The following STPG2 variants were observed in gnomAD, a reference collection of about 807,000 sequenced individuals.
The protein encoded by STPG2 is sperm tail PG-rich repeat containing 2.
A neutral mutation model predicts 54.2 loss-of-function variants in STPG2; 56 were observed. That is an observed-to-expected ratio of 1.03 (90% CI 0.83 to 1.29). The LOEUF is 1.29. Among genes scored for constraint, STPG2 ranks in the 50% most tolerant of loss-of-function variants. The probability of loss-of-function intolerance (pLI) is 0.00; values close to 1 mark genes in which losing one functional copy is unlikely to be tolerated. For synonymous variants in STPG2, 200 were observed against 181.8 expected, an observed-to-expected ratio of 1.10 and a Z score of -0.81; for missense variants, 596 against 544.9, an observed-to-expected ratio of 1.09 and a Z score of -0.93.
At chr4:98,031,832 A>C (rs1736609794) in intron 5 of STPG2, among the ~76,000 whole-genome samples, 1 of 152,230 alleles carries the variant, frequency 6.6e-6, no homozygotes, top group South Asian at 2.1e-4. Context: ...CAGAGGACTA[A>C]TATGCAGAAT....
intron 5 of STPG2, among the ~76,000 whole-genome samples, chr4:98,024,151 T>C (rs1364035557): frequency 1.3e-5 from 2 of 152,216 alleles, no homozygotes; most frequent in African/African-American, 4.8e-5. Context: ...AGACCGGAGC[T>C]GTTCCTATTC....
intron 9 of STPG2, among the ~76,000 whole-genome samples, chr4:97,787,090 T>C (rs1463079630): frequency 6.6e-6 from 1 of 152,106 alleles, no homozygotes; most frequent in African/African-American, 2.4e-5. Context: ...TGGAATTTAC[T>C]AATTAGTTCT....
Position 97,991,430 on chromosome 4 carries a change from A to AGTGTGTGT in STPG2, c.613-10120_613-10113dup, listed in dbSNP as rs150498433. On this transcript the variant is annotated intron_variant, in intron 5 of 10. Transcript: ENST00000295268. ...ATATATACACCATGGAATACTACTCAGTGTGTGTGTGTGTGTGTGTGTGTG... is the reference window on the plus strand; with the variant it reads ...ATATATACACCATGGAATACTACTCAGTGTGTGTGTGTGTGTGTGTGTGTGTGTGTGTG... Among the ~76,000 whole-genome samples the AGTGTGTGT allele has an allele frequency of 9.3e-4, 132 of 141,476 alleles. No homozygotes were observed. In the Middle Eastern group the frequency reaches 0.011, roughly 12 times the overall value. The allele number at this position is 141,476 out of a possible 152,430, so 92.8% of individuals were successfully genotyped here. A position where few individuals can be genotyped will look rare whatever the true frequency, so the allele number is the denominator to read the frequency against.
chr4:97,579,498 C>A (rs1050623014), intron 10 of STPG2, among the ~76,000 whole-genome samples: 1 of 151,982 alleles, frequency 6.6e-6, no homozygotes, highest in African/African-American at 2.4e-5. Context: ...CTTAATTTTA[C>A]AAGGTCCATT....
At chr4:97,928,910 G>A (rs972451914) in intron 8 of STPG2, among the ~76,000 whole-genome samples, 5 of 151,538 alleles carry the variant, frequency 3.3e-5, no homozygotes, top group Non-Finnish European at 5.9e-5. Context: ...AGGTTTGGGG[G>A]TCCATGTGAA....
intron 9 of STPG2, among the ~76,000 whole-genome samples, chr4:97,787,857 A>G (rs1311231316): frequency 1.3e-5 from 2 of 151,666 alleles, no homozygotes; most frequent in Non-Finnish European, 2.9e-5. Context: ...TATTTTATAT[A>G]AGCTGTCAAA....
intron 9 of STPG2, among the ~76,000 whole-genome samples, chr4:97,794,119 A>G (rs1727093693): frequency 6.6e-6 from 1 of 152,106 alleles, no homozygotes; most frequent in Non-Finnish European, 1.5e-5. Context: ...ATATAAAATA[A>G]CATTCCCCAA....
chr4:97,981,362 A>G (rs370857788), intron 5 of STPG2, 44 bp from the exon 6 acceptor site: 1 of 1,587,896 alleles, frequency 6.3e-7, no homozygotes, highest in Admixed American at 1.8e-5. Flanking sequence ...AGTATAGTAC[A>G]TTTTGATACT....
At chr4:98,126,896 G>T (rs983574345) in intron 3 of STPG2, among the ~76,000 whole-genome samples, 1 of 152,026 alleles carries the variant, frequency 6.6e-6, no homozygotes, top group Non-Finnish European at 1.5e-5. Flanking sequence ...TATTATTATT[G>T]TAAGTTTTTC....
intron 6 of STPG2, among the ~76,000 whole-genome samples, chr4:97,974,763 T>A (rs951179426): frequency 6.6e-6 from 1 of 152,168 alleles, no homozygotes; most frequent in Non-Finnish European, 1.5e-5. Flanking sequence ...GAACTGTAAG[T>A]CCATTAAACC....
intron 5 of STPG2, among the ~76,000 whole-genome samples, chr4:98,093,923 T>C (rs1414293055): frequency 6.6e-6 from 1 of 152,188 alleles, no homozygotes; most frequent in Non-Finnish European, 1.5e-5. Flanking sequence ...TCAGGAAGTC[T>C]TGTTACACGG....
intron 9 of STPG2, among the ~76,000 whole-genome samples, chr4:97,763,529 T>C (rs1725950410): frequency 6.6e-6 from 1 of 152,122 alleles, no homozygotes; most frequent in African/African-American, 2.4e-5. Flanking sequence ...CTAAGGCAAA[T>C]AGAGAACCTA....
chr4:98,009,107 T>A (rs1169732318), intron 5 of STPG2, among the ~76,000 whole-genome samples: 1 of 152,062 alleles, frequency 6.6e-6, no homozygotes, highest in Non-Finnish European at 1.5e-5. Context: ...ATCCTTTCTA[T>A]TAATTTTCTA....
At chr4:97,916,527 G>C (rs1466668041) in intron 8 of STPG2, 3 of 152,554 alleles carry the variant, frequency 2.0e-5, no homozygotes, top group African/African-American at 7.2e-5. Context: ...TCATTTCTTT[G>C]TATTGACCAT....
At chr4:97,529,464 C>T (rs914007258) in intron 4 of STPG2, among the ~76,000 whole-genome samples, 1 of 152,020 alleles carries the variant, frequency 6.6e-6, no homozygotes, top group African/African-American at 2.4e-5. Flanking sequence ...GTGTCTCTGC[C>T]AGATTTTGGT....
In STPG2 at chr4:97,772,063, C is replaced by T. The variant is rs540682107; in HGVS notation, c.1205-59249G>A. 2.0e-5 allele frequency among the ~76,000 whole-genome samples: 3 copies of T among 152,310 alleles called. No homozygotes were observed. In the East Asian group the frequency reaches 5.8e-4, roughly 29 times the overall value. ...GCCCCTTCCTCCTGAAATGTCCCTT[C>T]AGCACCCTCTGCTGAGAAAACACAA... On this transcript the variant is annotated intron_variant, in intron 9 of 10. Transcript: ENST00000295268.
chr4:97,521,919 G>A (rs1015343247), intron 4 of STPG2, among the ~76,000 whole-genome samples: 13 of 151,714 alleles, frequency 8.6e-5, no homozygotes, highest in Non-Finnish European at 1.9e-4. Flanking sequence ...TATCTAGTCT[G>A]GGCAACATAG....
intron 10 of STPG2, among the ~76,000 whole-genome samples, chr4:97,563,418 T>C (rs1228965330): frequency 2.6e-5 from 4 of 152,096 alleles, no homozygotes; most frequent in Non-Finnish European, 5.9e-5. Flanking sequence ...TTTTGAAGGG[T>C]TTTTTGTGTC....
At chr4:97,843,899 A>G (rs916648381) in intron 8 of STPG2, among the ~76,000 whole-genome samples, 1 of 151,870 alleles carries the variant, frequency 6.6e-6, no homozygotes, top group African/African-American at 2.4e-5. Context: ...CCAGAGACCA[A>G]GAGATTAACA....
Sources: gnomAD v4.1 joint callset for allele counts (sites outside exome capture counted in the v4.1 genomes callset) on GRCh38, gnomAD v4.1.1 for gene constraint, MANE v1.5 for transcripts, NCBI Gene and HGNC (gene_info 2026-07-23, HGNC 2026-07-21) for gene names.